Variants in RABGAP1L observed in about 807,000 individuals in gnomAD.
RABGAP1L encodes rab GTPase-activating protein 1-like.
Under a neutral mutation model 137.7 loss-of-function variants are expected in RABGAP1L, and 63 were observed. The ratio of observed to expected loss-of-function variants is 0.46; its 90% confidence interval spans 0.37 to 0.56. RABGAP1L has a LOEUF of 0.56. Among genes scored for constraint, RABGAP1L ranks in the 20% least tolerant of loss-of-function variants. The probability of loss-of-function intolerance (pLI) is 0.00; values close to 1 mark genes in which losing one functional copy is unlikely to be tolerated. For synonymous variants in RABGAP1L, 431 were observed against 433.7 expected, an observed-to-expected ratio of 0.99 and a Z score of 0.08; for missense variants, 1,095 against 1,244.0, an observed-to-expected ratio of 0.88 and a Z score of 1.80.
At chr1:174,228,308 C>G (rs937703161) in intron 3 of RABGAP1L, among the ~76,000 whole-genome samples, 1 of 151,952 alleles carries the variant, frequency 6.6e-6, no homozygotes, top group South Asian at 2.1e-4. Flanking sequence ...TTGGCCTCCT[C>G]TTTTCTCTTT....
At chr1:174,370,317 A>G (rs1685000077) in intron 11 of RABGAP1L, among the ~76,000 whole-genome samples, 1 of 152,106 alleles carries the variant, frequency 6.6e-6, no homozygotes, top group African/African-American at 2.4e-5. Flanking sequence ...AAAGGTTTAT[A>G]GAGTTTAGTA....
At chr1:174,742,323 G>A (rs1683509805) in intron 17 of RABGAP1L, among the ~76,000 whole-genome samples, 1 of 152,078 alleles carries the variant, frequency 6.6e-6, no homozygotes, top group Non-Finnish European at 1.5e-5. Flanking sequence ...TTCGAGACCA[G>A]CCTAACTAAT....
At chr1:174,921,518 TA>T (rs1252656945) in intron 19 of RABGAP1L, among the ~76,000 whole-genome samples, 27 of 152,342 alleles carry the variant, frequency 1.8e-4, no homozygotes, top group African/African-American at 6.3e-4. Flanking sequence ...TCCTATAGGA[TA>T]AAATTAGAGT....
intron 13 of RABGAP1L, among the ~76,000 whole-genome samples, chr1:174,438,744 G>GTATAAATATATA (rs1653755147): frequency 1.0e-5 from 1 of 95,456 alleles, no homozygotes; most frequent in African/African-American, 4.8e-5. Context: ...GTGTGTGTGT[G>GTATAAATATATA]TATATATATA....
At chr1:174,944,516 G>A (rs1396630736) in intron 19 of RABGAP1L, among the ~76,000 whole-genome samples, 1 of 151,466 alleles carries the variant, frequency 6.6e-6, no homozygotes, top group African/African-American at 2.4e-5. Context: ...TTACACCTGT[G>A]GTCCCAACTA....
chr1:174,435,818 A>T (rs1653214053), intron 13 of RABGAP1L, among the ~76,000 whole-genome samples: 1 of 117,858 alleles, frequency 8.5e-6, no homozygotes, highest in African/African-American at 4.5e-5. Flanking sequence ...CCCCGACACC[A>T]CAACCGTCCC....
chr1:174,455,375 T>C (rs1655929236), intron 13 of RABGAP1L, among the ~76,000 whole-genome samples: 1 of 152,174 alleles, frequency 6.6e-6, no homozygotes, highest in Admixed American at 6.5e-5. Flanking sequence ...TAAATAAGGT[T>C]GATGCCAGTT....
At chr1:174,531,762 G>A (rs1172104844) in intron 13 of RABGAP1L, among the ~76,000 whole-genome samples, 2 of 149,622 alleles carry the variant, frequency 1.3e-5, no homozygotes, top group East Asian at 4.0e-4. Flanking sequence ...GGGGGGGGAA[G>A]ATATACCAAA....
chr1:174,174,251 A>G (rs1230068685), intron 1 of RABGAP1L, among the ~76,000 whole-genome samples: 4 of 152,064 alleles, frequency 2.6e-5, no homozygotes, highest in African/African-American at 9.7e-5. Context: ...TAAGTCATAG[A>G]TAATACAAGG....
chr1:174,810,037 A>C (rs1336221035), intron 18 of RABGAP1L, among the ~76,000 whole-genome samples: 1 of 152,202 alleles, frequency 6.6e-6, no homozygotes, highest in Non-Finnish European at 1.5e-5. Flanking sequence ...CTGTTAGCCT[A>C]GCTCCATTTT....
At chr1:174,416,215 C>G (rs1558215178) in intron 13 of RABGAP1L, among the ~76,000 whole-genome samples, 1 of 151,788 alleles carries the variant, frequency 6.6e-6, no homozygotes, top group African/African-American at 2.4e-5. Flanking sequence ...AATTGTTCAT[C>G]CCAGTGGCAG....
intron 1 of RABGAP1L, among the ~76,000 whole-genome samples, chr1:174,189,230 C>T (rs1667030993): frequency 6.6e-6 from 1 of 152,188 alleles, no homozygotes; most frequent in Non-Finnish European, 1.5e-5. Context: ...TGGTCTCAAC[C>T]TCCTGACTTT....
chr1:174,305,039 T>C lies in RABGAP1L; in HGVS notation c.1377T>C (p.Ser459=). The change falls in exon 11 of 26, where the codon AGT becomes AGC. Residue 459 remains serine, a synonymous_variant. Coordinates refer to ENST00000681986, the MANE Select transcript of RABGAP1L (RefSeq NM_001366446.1). ...NAGDAIYEVV[S]LQRESDKEEP... is the part of the protein sequence containing the mutation. Reference sequence around the variant, plus strand: ...GAGATGCAATATATGAGGTGGTGAGTCTACAGCGAGAGTCTGACAAGGAGG... The same window carrying C: ...GAGATGCAATATATGAGGTGGTGAGCCTACAGCGAGAGTCTGACAAGGAGG... The C allele has an allele frequency of 6.4e-7, 1 of 1,563,206 alleles. No individual in the cohort carries two copies. Among genetic ancestry groups the C allele is most frequent in the Non-Finnish European group, 8.6e-7 (1 of 1,159,352 alleles).
chr1:174,502,346 C>G (rs1661356077), intron 13 of RABGAP1L, among the ~76,000 whole-genome samples: 1 of 151,548 alleles, frequency 6.6e-6, no homozygotes, highest in Admixed American at 6.6e-5. Flanking sequence ...CACTACTCCA[C>G]TGACAATGAG....
chr1:174,701,671 A>T (rs1040238195), intron 16 of RABGAP1L, among the ~76,000 whole-genome samples: 1 of 150,442 alleles, frequency 6.6e-6, no homozygotes, highest in African/African-American at 2.4e-5. Context: ...TGAACCTGGG[A>T]GGCGGAGGTT....
chr1:174,918,654 G>A (rs1471078890), intron 19 of RABGAP1L, among the ~76,000 whole-genome samples: 3 of 152,144 alleles, frequency 2.0e-5, no homozygotes, highest in African/African-American at 7.2e-5. Flanking sequence ...GCATACTGCT[G>A]TGCACCTGTA....
chr1:174,606,134 T>C (rs1670775407), intron 13 of RABGAP1L, among the ~76,000 whole-genome samples: 1 of 152,228 alleles, frequency 6.6e-6, no homozygotes, highest in Non-Finnish European at 1.5e-5. Context: ...GCATAGCTTT[T>C]AATAATGTAC....
chr1:174,250,345 A>G (rs978522972), intron 5 of RABGAP1L, 130 bp from the exon 6 acceptor site: 6 of 582,642 alleles, frequency 1.0e-5, no homozygotes, highest in South Asian at 3.6e-5. Flanking sequence ...TACTTAGACT[A>G]TATATAAAAA....
chr1:174,347,485 G>A (rs181823347), intron 11 of RABGAP1L, among the ~76,000 whole-genome samples: 3,362 of 151,198 alleles, frequency 0.022, 64 homozygotes, highest in Middle Eastern at 0.09. Context: ...GTGTGTGTGT[G>A]TGTGTGTGTG....
Sources: gnomAD v4.1 joint callset for allele counts (sites outside exome capture counted in the v4.1 genomes callset) on GRCh38, gnomAD v4.1.1 for gene constraint, MANE v1.5 for transcripts, NCBI Gene and HGNC (gene_info 2026-07-23, HGNC 2026-07-21) for gene names.